Variants in CSNK2A2 observed in about 807,000 individuals in gnomAD.
CSNK2A2 encodes casein kinase II subunit alpha'.
In CSNK2A2, 8 loss-of-function variants were observed where a neutral mutation model predicts 54.0. That is an observed-to-expected ratio of 0.15 (90% confidence interval 0.09 to 0.27). The LOEUF is 0.27. Among genes scored for constraint, CSNK2A2 ranks in the 10% least tolerant of loss-of-function variants. CSNK2A2 has a pLI of 1.00. For synonymous variants in CSNK2A2, 141 were observed against 153.9 expected (o/e 0.92, Z 0.62); for missense variants, 242 against 439.4 (o/e 0.55, Z 4.02).
At chr16:58,189,669 C>T (rs1383590742) in intron 2 of CSNK2A2, among the ~76,000 whole-genome samples, 1 of 152,206 alleles carries the variant, frequency 6.6e-6, no homozygotes, top group Non-Finnish European at 1.5e-5. Context: ...AAACTAGAGA[C>T]TGGGAATAGC....
At chr16:58,170,462 C>T (rs1317268060) in intron 5 of CSNK2A2, among the ~76,000 whole-genome samples, 2 of 152,040 alleles carry the variant, frequency 1.3e-5, no homozygotes, top group Non-Finnish European at 2.9e-5. Context: ...TGGGTTGTTT[C>T]CACTCATGCT....
At chr16:58,190,785 C>CA (rs1287255291) in intron 2 of CSNK2A2, among the ~76,000 whole-genome samples, 6 of 152,202 alleles carry the variant, frequency 3.9e-5, no homozygotes, top group Non-Finnish European at 7.3e-5. Context: ...TTGTACACTG[C>CA]AGTCAGAATG....
intron 3 of CSNK2A2, among the ~76,000 whole-genome samples, chr16:58,186,443 G>A (rs1037030157): frequency 6.6e-6 from 1 of 152,194 alleles, no homozygotes; most frequent in African/African-American, 2.4e-5. Flanking sequence ...TGGCAGTAAT[G>A]AACTTTCAAA....
At chr16:58,164,935 G>T (rs567054538) in intron 10 of CSNK2A2, among the ~76,000 whole-genome samples, 4 of 152,332 alleles carry the variant, frequency 2.6e-5, no homozygotes, top group South Asian at 4.1e-4. Flanking sequence ...AGCGACTGAG[G>T]TAAGTCTCTC....
chr16:58,170,692 C>G (rs188368420), intron 5 of CSNK2A2, among the ~76,000 whole-genome samples: 203 of 152,178 alleles, frequency 1.3e-3, no homozygotes, highest in African/African-American at 4.2e-3. Flanking sequence ...AAAGTGGTAT[C>G]TCCATGTGGT....
chr16:58,175,997 C>T (rs1961868902), intron 4 of CSNK2A2, among the ~76,000 whole-genome samples: 1 of 152,128 alleles, frequency 6.6e-6, no homozygotes, highest in African/African-American at 2.4e-5. Flanking sequence ...GTTCTTCTCC[C>T]AGCTCTGCTG....
chr16:58,167,908 G>C (rs1005163877), intron 6 of CSNK2A2, 113 bp from the exon 7 acceptor site: 15 of 785,876 alleles, frequency 1.9e-5, no homozygotes, highest in Non-Finnish European at 3.1e-5. Context: ...AAAAATGTGA[G>C]CAGGTGCACT....
intron 6 of CSNK2A2, 115 bp downstream of exon 6, chr16:58,168,494 GA>G: frequency 1.4e-6 from 1 of 704,848 alleles, no homozygotes; most frequent in Middle Eastern, 2.5e-4. Flanking sequence ...TCACAGTAAC[GA>G]AAGTTTGCCA....
chr16:58,174,809 T>G (rs1035287935), intron 4 of CSNK2A2, among the ~76,000 whole-genome samples: 1 of 152,200 alleles, frequency 6.6e-6, no homozygotes, highest in African/African-American at 2.4e-5. Context: ...TAACCACAAT[T>G]ACACCATTGT....
intron 4 of CSNK2A2, among the ~76,000 whole-genome samples, chr16:58,181,589 C>T (rs980887980): frequency 6.6e-6 from 1 of 152,002 alleles, no homozygotes; most frequent in Admixed American, 6.6e-5. Context: ...GGAAAAAATA[C>T]AATATTCTTA....
rs1164766819 is a variant in CSNK2A2 at position 58,161,526 on chromosome 16, G to GACACACACACAC, written c.*17+2527_*17+2528insGTGTGTGTGTGT. ...GTTTAGTCTAAATATTAGACACACAGACACACACACAGACACACACACAGA... is the reference window on the plus strand; with the variant it reads ...GTTTAGTCTAAATATTAGACACACAGACACACACACACACACACACACAGACACACACACAGA... On this transcript the variant is annotated intron_variant, in intron 11 of 11. Transcript: ENST00000262506. 635 of 107,536 alleles carry GACACACACACAC rather than the reference G, an allele frequency of 5.9e-3. 7 individuals are homozygous for GACACACACACAC. The highest frequency in any genetic ancestry group is 0.041 in the African/African-American group (607 of 14,682). 6.7% of individuals were successfully genotyped at this position (107,536 alleles called of 1,614,324 possible).
chr16:58,195,599 T>A (rs899578158), intron 2 of CSNK2A2, among the ~76,000 whole-genome samples: 5 of 152,192 alleles, frequency 3.3e-5, no homozygotes, highest in African/African-American at 1.2e-4. Flanking sequence ...CTAAATGACT[T>A]GTATCCACAT....
intron 5 of CSNK2A2, among the ~76,000 whole-genome samples, chr16:58,173,795 G>A (rs777742045): frequency 1.2e-4 from 19 of 152,174 alleles, no homozygotes; most frequent in East Asian, 3.8e-4. Flanking sequence ...GAGTGGAGTC[G>A]GTTTTTCCAT....
chr16:58,185,838 C>T (rs1962178819), intron 3 of CSNK2A2, among the ~76,000 whole-genome samples: 1 of 152,162 alleles, frequency 6.6e-6, no homozygotes, highest in East Asian at 1.9e-4. Flanking sequence ...CTCATCTGTA[C>T]AATGTAAACA....
At chr16:58,164,030 T>C (rs1961486456) in intron 11 of CSNK2A2, 24 bp downstream of exon 11, 2 of 1,574,498 alleles carry the variant, frequency 1.3e-6, no homozygotes, top group Non-Finnish European at 1.7e-6. Context: ...TTGGTTTTAT[T>C]GGCAAGCATC....
chr16:58,186,452 A>C (rs1962194928), intron 3 of CSNK2A2, among the ~76,000 whole-genome samples: 1 of 152,244 alleles, frequency 6.6e-6, no homozygotes, highest in South Asian at 2.1e-4. Flanking sequence ...TGAACTTTCA[A>C]AACTGGAAAG....
chr16:58,190,545 T>C lies in CSNK2A2; in HGVS notation c.217-3689A>G, dbSNP rs553077219. Among the ~76,000 whole-genome samples, 5 of 152,338 alleles carry C rather than the reference T, an allele frequency of 3.3e-5. No individual in the cohort carries two copies. The East Asian group carries it at 9.6e-4, about 29-fold the overall frequency. On this transcript the variant is annotated intron_variant, in intron 2 of 11. Coordinates refer to ENST00000262506, the MANE Select transcript of CSNK2A2 (RefSeq NM_001896.4). ...TATAAAAATATTATCTGAGCAATGT[T>C]ATTTCATCACAGAAAACTTTTCCTC...
intron 11 of CSNK2A2, chr16:58,160,829 G>T (rs1416402742): frequency 6.6e-6 from 1 of 152,214 alleles, no homozygotes; most frequent in Non-Finnish European, 1.5e-5. Context: ...GAGTTTGTCT[G>T]TCTCCTCTAA....
intron 9 of CSNK2A2, 105 bp from the exon 10 acceptor site, chr16:58,165,813 A>C: frequency 8.1e-7 from 1 of 1,230,340 alleles, no homozygotes; most frequent in Admixed American, 2.7e-5. Flanking sequence ...TACTGATTAC[A>C]AGCTTGTTAA....
Sources: gnomAD v4.1 joint callset for allele counts (sites outside exome capture counted in the v4.1 genomes callset) on GRCh38, gnomAD v4.1.1 for gene constraint, MANE v1.5 for transcripts, NCBI Gene and HGNC (gene_info 2026-07-23, HGNC 2026-07-21) for gene names.